Variants in PTPN4 observed in about 807,000 individuals in gnomAD.
The protein encoded by PTPN4 is tyrosine-protein phosphatase non-receptor type 4.
PTPN4 carries 49 observed loss-of-function variants against 135.5 expected under a neutral mutation model. The observed-to-expected ratio is 0.36, with a 90% CI of 0.29 to 0.46. The LOEUF is 0.46. PTPN4 is among the 20% of genes least tolerant of loss of function. PTPN4 has a pLI of 1.00. For missense variants in PTPN4, 860 were observed against 1,101.0 expected (o/e 0.78, Z 3.10); for synonymous variants, 333 against 369.9 (o/e 0.90, Z 1.14).
chr2:119,845,164 G>A (rs1677471746), intron 2 of PTPN4, among the ~76,000 whole-genome samples: 1 of 147,274 alleles, frequency 6.8e-6, no homozygotes, highest in African/African-American at 2.5e-5. Flanking sequence ...ATCAGGCAGG[G>A]AGGTTGCAGT....
At chr2:119,816,257 G>C (rs1477899151) in intron 2 of PTPN4, among the ~76,000 whole-genome samples, 1 of 152,140 alleles carries the variant, frequency 6.6e-6, no homozygotes, top group Non-Finnish European at 1.5e-5. Context: ...TAAAGATACA[G>C]TATTAAAATC....
chr2:119,863,468 A>G (rs1677789612), intron 3 of PTPN4, among the ~76,000 whole-genome samples: 1 of 152,142 alleles, frequency 6.6e-6, no homozygotes, highest in South Asian at 2.1e-4. Flanking sequence ...GAGGCTGAAG[A>G]AATGGTTCTG....
At chr2:119,791,021 C>G (rs13017259) in intron 1 of PTPN4, 2 of 151,824 alleles carry the variant, frequency 1.3e-5, no homozygotes, top group African/African-American at 4.8e-5. Flanking sequence ...AGCCCATCAA[C>G]GTTGTATTGC....
chr2:119,934,204 T>C lies in PTPN4; in HGVS notation c.1197-596T>C, dbSNP rs541748330. On this transcript the variant is annotated intron_variant, in intron 14 of 26. Coordinates refer to ENST00000263708, the MANE Select transcript of PTPN4 (RefSeq NM_002830.4). ...TTGAACTTGGGCAAGTTAATCTCTG[T>C]CTCATTTTTCTCATCTACAAAATTA... 3.1e-3 allele frequency among the ~76,000 whole-genome samples: 469 copies of C among 152,326 alleles called. 1 individual carries two copies. Among genetic ancestry groups the C allele is most frequent in the African/African-American group, 0.011 (444 of 41,582 alleles).
intron 1 of PTPN4, among the ~76,000 whole-genome samples, chr2:119,777,652 A>AT (rs1470972182): frequency 6.6e-6 from 1 of 152,054 alleles, no homozygotes; most frequent in Non-Finnish European, 1.5e-5. Context: ...TAACTAGAGT[A>AT]TTTTATATAT....
chr2:119,963,721 G>A (rs1679404536), intron 24 of PTPN4, among the ~76,000 whole-genome samples: 1 of 152,180 alleles, frequency 6.6e-6, no homozygotes. Context: ...CCATCAGAAT[G>A]AATTTAGGGT....
chr2:119,816,857 G>A (rs948667486), intron 2 of PTPN4, among the ~76,000 whole-genome samples: 2 of 152,154 alleles, frequency 1.3e-5, no homozygotes, highest in Non-Finnish European at 2.9e-5. Context: ...TGGAATTTAC[G>A]GAGATGTGAA....
At position 119,849,588 on chromosome 2, in the gene PTPN4, C is replaced by T. The variant is rs576680012; in HGVS notation, c.139-12948C>T. Among the ~76,000 whole-genome samples, 7 of 152,292 alleles carry T rather than the reference C, an allele frequency of 4.6e-5. No individual in the cohort carries two copies. The East Asian group carries it at 1.2e-3, about 25-fold the overall frequency. ...AAAGTGTTGGGATTAGAGGTGTGAG[C>T]CACCGCATCCAAGCAAACCGGACAT... is the stretch of plus-strand genomic sequence containing the variant. On this transcript the variant is annotated intron_variant, in intron 2 of 26. Transcript: ENST00000263708.
intron 3 of PTPN4, 93 bp downstream of exon 3, chr2:119,862,736 G>C: frequency 1.0e-6 from 1 of 999,602 alleles, no homozygotes; most frequent in Non-Finnish European, 1.4e-6. Flanking sequence ...TCACTGATTT[G>C]ATGAGTTTTT....
intron 1 of PTPN4, 64 bp from the exon 2 acceptor site, chr2:119,809,773 T>C (rs1244900397): frequency 7.2e-7 from 1 of 1,387,192 alleles, no homozygotes; most frequent in Non-Finnish European, 9.7e-7. Flanking sequence ...TAACTTTGCC[T>C]TTTAAACTAC....
intron 2 of PTPN4, among the ~76,000 whole-genome samples, chr2:119,850,604 C>G (rs892508109): frequency 6.6e-5 from 10 of 152,136 alleles, no homozygotes; most frequent in African/African-American, 2.4e-4. Flanking sequence ...GGAACATTGG[C>G]CAGGGCAGAA....
intron 1 of PTPN4, among the ~76,000 whole-genome samples, chr2:119,793,024 G>A (rs558886175): frequency 4.6e-5 from 7 of 152,320 alleles, no homozygotes; most frequent in South Asian, 4.1e-4. Flanking sequence ...CACTGTGTGC[G>A]CATTGTCATT....
intron 2 of PTPN4, among the ~76,000 whole-genome samples, chr2:119,846,292 G>A (rs980088262): frequency 2.0e-5 from 3 of 152,088 alleles, no homozygotes; most frequent in South Asian, 2.1e-4. Context: ...AGTTGAGTAT[G>A]GGAGTCTCCA....
intron 10 of PTPN4, among the ~76,000 whole-genome samples, chr2:119,903,757 C>T (rs1678443722): frequency 6.6e-6 from 1 of 152,182 alleles, no homozygotes; most frequent in Admixed American, 6.5e-5. Context: ...ATGCATACCA[C>T]CTGGAGACCC....
At chr2:119,854,531 C>T (rs755982764) in intron 2 of PTPN4, among the ~76,000 whole-genome samples, 14 of 152,056 alleles carry the variant, frequency 9.2e-5, no homozygotes, top group Admixed American at 5.9e-4. Flanking sequence ...TGAAAAGGGG[C>T]GTCAAGTGGG....
intron 1 of PTPN4, among the ~76,000 whole-genome samples, chr2:119,763,247 A>G (rs1290758532): frequency 6.6e-6 from 1 of 152,192 alleles, no homozygotes; most frequent in Non-Finnish European, 1.5e-5. Flanking sequence ...GAGAGATGCA[A>G]GTATTTGAAT....
rs371090065 is a variant in PTPN4, at chr2:119,981,197, T to C, written c.*4127T>C. ...GATGAATTTGCATTTCAGTCACTTA[T>C]AGTAAATAAAGTATATTAAATATTT... On this transcript the variant is annotated 3_prime_UTR_variant, in exon 27 of 27. Transcript: ENST00000263708. 6 of 152,216 alleles carry C rather than the reference T, an allele frequency of 3.9e-5. No individual in the cohort carries two copies. Among genetic ancestry groups the C allele is most frequent in the African/African-American group, 1.4e-4 (6 of 41,568 alleles). The allele number at this position is 152,216 out of a possible 1,614,324, so 9.4% of individuals were successfully genotyped here. A position where few individuals can be genotyped will look rare whatever the true frequency, so the allele number is the denominator to read the frequency against.
intron 10 of PTPN4, among the ~76,000 whole-genome samples, chr2:119,904,271 A>G (rs561668189): frequency 6.6e-6 from 1 of 152,160 alleles, no homozygotes; most frequent in East Asian, 1.9e-4. Context: ...TGAATGAAAT[A>G]AAAAATACAA....
At chr2:119,923,255 T>A (rs1294632517) in intron 12 of PTPN4, among the ~76,000 whole-genome samples, 4 of 152,046 alleles carry the variant, frequency 2.6e-5, no homozygotes, top group Non-Finnish European at 5.9e-5. Context: ...ACACCTGTAG[T>A]CCTAACTACT....
Sources: gnomAD v4.1 joint callset for allele counts (sites outside exome capture counted in the v4.1 genomes callset) on GRCh38, gnomAD v4.1.1 for gene constraint, MANE v1.5 for transcripts, NCBI Gene and HGNC (gene_info 2026-07-23, HGNC 2026-07-21) for gene names.